The following UNC13C variants were observed in gnomAD, a reference collection of about 807,000 sequenced individuals.
UNC13C encodes protein unc-13 homolog C.
In UNC13C, 174 loss-of-function variants were observed where a neutral mutation model predicts 245.4. The observed-to-expected ratio is 0.71, with a 90% CI of 0.63 to 0.80. The LOEUF (loss-of-function observed/expected upper bound fraction) is 0.80, where lower values mean the gene tolerates loss of function less well. UNC13C is among the 30% of genes least tolerant of loss of function. The probability of loss-of-function intolerance (pLI) is 0.00; values close to 1 mark genes in which losing one functional copy is unlikely to be tolerated. For synonymous variants in UNC13C, 992 were observed against 895.1 expected, an observed-to-expected ratio of 1.11 and a Z score of -1.93; for missense variants, 2,829 against 2,602.9, an observed-to-expected ratio of 1.09 and a Z score of -1.89.
chr15:54,409,592 C>G (rs1443479485), intron 18 of UNC13C, among the ~76,000 whole-genome samples: 1 of 152,082 alleles, frequency 6.6e-6, no homozygotes, highest in Non-Finnish European at 1.5e-5. Context: ...CATATGCACT[C>G]GATATTTAGC....
At chr15:54,585,429 T>C (rs571000332) in intron 30 of UNC13C, among the ~76,000 whole-genome samples, 4 of 152,338 alleles carry the variant, frequency 2.6e-5, no homozygotes, top group Admixed American at 2.0e-4. Flanking sequence ...CAGATGCTGG[T>C]GCTGTGCTTC....
chr15:53,889,543 T>C, the UNC13C span, among the ~76,000 whole-genome samples: 1 of 152,218 alleles, frequency 6.6e-6, no homozygotes, highest in South Asian at 2.1e-4. Context: ...ATACCATTTA[T>C]TTCTTTCTCT....
At chr15:54,182,584 G>C (rs1212530445) in intron 4 of UNC13C, among the ~76,000 whole-genome samples, 1 of 151,964 alleles carries the variant, frequency 6.6e-6, no homozygotes, top group Non-Finnish European at 1.5e-5. Context: ...CAGTTGAATT[G>C]GTACCAGCTC....
At chr15:54,479,467 C>T (rs958214275) in intron 19 of UNC13C, among the ~76,000 whole-genome samples, 1 of 151,896 alleles carries the variant, frequency 6.6e-6, no homozygotes, top group African/African-American at 2.4e-5. Flanking sequence ...TGTATCTTTA[C>T]AGGTGGAGTA....
At chr15:54,338,596 A>C in intron 17 of UNC13C, 107 bp downstream of exon 17, 1 of 1,252,436 alleles carries the variant, frequency 8.0e-7, no homozygotes, top group South Asian at 1.7e-5. Context: ...TTAATTTCAC[A>C]TTAACTGCAA....
At chr15:53,932,803 C>T in the UNC13C span, among the ~76,000 whole-genome samples, 1 of 152,166 alleles carries the variant, frequency 6.6e-6, no homozygotes, top group Non-Finnish European at 1.5e-5. Context: ...CATACTTAGG[C>T]CTAGGTCAAA....
At chr15:54,239,009 C>T (rs1596064597) in intron 7 of UNC13C, among the ~76,000 whole-genome samples, 2 of 152,154 alleles carry the variant, frequency 1.3e-5, no homozygotes, top group Admixed American at 6.5e-5. Context: ...ATGTTCTGTT[C>T]CGGTAAATGT....
rs549122043 is a variant in UNC13C, at chr15:54,076,433, T to C, written c.2983+60547T>C. Among the ~76,000 whole-genome samples the C allele has an allele frequency of 2.9e-4, 44 of 152,204 alleles. 1 individual carries two copies. In the East Asian group the frequency reaches 6.2e-3, roughly 21 times the overall value. On this transcript the variant is annotated intron_variant, in intron 2 of 32. Transcript: ENST00000260323. ...TTCATCCATGTCCCTACAAAGGACATGAACTCATCATTTTTTATGGCTGCA... is the reference window on the plus strand; with the variant it reads ...TTCATCCATGTCCCTACAAAGGACACGAACTCATCATTTTTTATGGCTGCA...
chr15:54,408,058 G>A (rs952346737), intron 18 of UNC13C, among the ~76,000 whole-genome samples: 8 of 151,460 alleles, frequency 5.3e-5, no homozygotes, highest in East Asian at 2.0e-4. Context: ...AAAATTAGCC[G>A]GGCATGGTGG....
At chr15:54,263,384 A>G (rs528863553) in intron 8 of UNC13C, among the ~76,000 whole-genome samples, 1 of 152,300 alleles carries the variant, frequency 6.6e-6, no homozygotes, top group South Asian at 2.1e-4. Flanking sequence ...GCCATACAGA[A>G]CAATAAGACT....
intron 24 of UNC13C, among the ~76,000 whole-genome samples, chr15:54,516,718 T>G (rs1371548411): frequency 6.7e-6 from 1 of 149,486 alleles, no homozygotes; most frequent in African/African-American, 2.5e-5. Context: ...GAGAATCACT[T>G]GAACCCTAGA....
intron 2 of UNC13C, among the ~76,000 whole-genome samples, chr15:54,025,437 CAATAACCCTATGA>C (rs140745847): frequency 0.017 from 2,618 of 152,262 alleles, 88 homozygotes; most frequent in African/African-American, 0.061. Flanking sequence ...CATATCTTCA[CAATAACCCTATGA>C]AATGGGTATT....
At chr15:54,276,784 C>A (rs867243173) in intron 10 of UNC13C, among the ~76,000 whole-genome samples, 1 of 152,018 alleles carries the variant, frequency 6.6e-6, no homozygotes, top group Non-Finnish European at 1.5e-5. Flanking sequence ...ATTAGTCTTA[C>A]GACATTTGAG....
chr15:54,284,985 G>A (rs1452878419), intron 10 of UNC13C, among the ~76,000 whole-genome samples: 1 of 152,084 alleles, frequency 6.6e-6, no homozygotes, highest in Non-Finnish European at 1.5e-5. Flanking sequence ...GTGGGTTCTA[G>A]AAGGTGGTTC....
chr15:54,228,650 C>T (rs952155796), intron 4 of UNC13C, among the ~76,000 whole-genome samples: 1 of 152,146 alleles, frequency 6.6e-6, no homozygotes, highest in African/African-American at 2.4e-5. Context: ...GAACTGTTGT[C>T]TAAGAGCCAT....
At chr15:54,138,465 A>G (rs907879455) in intron 2 of UNC13C, among the ~76,000 whole-genome samples, 1 of 152,056 alleles carries the variant, frequency 6.6e-6, no homozygotes, top group African/African-American at 2.4e-5. Context: ...TATAACCTGA[A>G]GTAACCTCAA....
chr15:53,983,534 T>G (rs1290704579), intron 1 of UNC13C, among the ~76,000 whole-genome samples: 1 of 152,094 alleles, frequency 6.6e-6, no homozygotes, highest in Non-Finnish European at 1.5e-5. Flanking sequence ...ATTAGAAGAT[T>G]TTGCTTAATT....
At chr15:54,605,589 A>C (rs1566935556) in intron 30 of UNC13C, among the ~76,000 whole-genome samples, 1 of 152,098 alleles carries the variant, frequency 6.6e-6, no homozygotes, top group Non-Finnish European at 1.5e-5. Context: ...CCTGGCATGG[A>C]GCCCACCCTT....
the UNC13C span, among the ~76,000 whole-genome samples, chr15:53,970,243 G>T: frequency 1.3e-5 from 2 of 151,912 alleles, no homozygotes; most frequent in African/African-American, 4.8e-5. Context: ...CTAATTTTTT[G>T]TATTTAGTAG....
Sources: allele counts gnomAD v4.1 joint callset (sites outside exome capture counted in the v4.1 genomes callset), GRCh38; gene constraint gnomAD v4.1.1; transcripts MANE v1.5; gene names NCBI Gene and HGNC (gene_info 2026-07-23, HGNC 2026-07-21).